Variants in HEATR1 observed in about 807,000 individuals in gnomAD.
The protein encoded by HEATR1 is HEAT repeat-containing protein 1.
HEATR1 carries 77 observed loss-of-function variants against 248.2 expected under a neutral mutation model. The ratio of observed to expected loss-of-function variants is 0.31; its 90% CI spans 0.26 to 0.37. HEATR1 has a LOEUF of 0.37. Ranked by LOEUF, HEATR1 falls within the 10% of genes least tolerant of loss-of-function variation. The pLI, the probability that HEATR1 is intolerant of heterozygous loss-of-function variation, is 1.00. For synonymous variants in HEATR1, 897 were observed against 923.1 expected, an observed-to-expected ratio of 0.97 and a Z score of 0.51; for missense variants, 2,420 against 2,504.9, an observed-to-expected ratio of 0.97 and a Z score of 0.72.
In HEATR1 at chr1:236,553,588, G is replaced by C. The variant is rs6664730; in HGVS notation, c.6230C>G (p.Ser2077Trp). 6.2e-7 allele frequency: 1 copy of C among 1,613,510 alleles called. No individual in the cohort carries two copies. Among genetic ancestry groups the C allele is most frequent in the Non-Finnish European group, 8.5e-7 (1 of 1,179,728 alleles). The change falls in exon 43 of 45, where the codon TCG becomes TGG. Residue 2077 changes from serine (S) to tryptophan (W), a missense_variant. Transcript: ENST00000366582. ...TGTCACGCAGTTCCTAACCTTAGGC[G>C]AGGAGTCTCTCGTCTTTAGCAGAAT... ...YQILLKTRDS[S>W]PKVRFAALIT...
intron 13 of HEATR1, 25 bp downstream of exon 13, chr1:236,587,923 C>A: frequency 6.5e-7 from 1 of 1,530,382 alleles, no homozygotes. Flanking sequence ...AATTGTATAC[C>A]TCAACAAATG....
rs1212509177 is a variant in HEATR1, at chr1:236,566,030, C to T, written c.4324G>A (p.Ala1442Thr). 31 of 1,613,428 alleles carry T rather than the reference C, an allele frequency of 1.9e-5. No individual in the cohort carries two copies. Among genetic ancestry groups the T allele is most frequent in the Non-Finnish European group, 2.6e-5 (31 of 1,179,846 alleles). The stretch of plus-strand genomic sequence containing the variant: ...ACTGAAAACCAAAATTCAGTGTCTG[C>T]TTCTAAAATAGCATCCTGTGTAGAA... ...AYGEKDAILE[A>T]DTEFWFSVCC... Residue 1442 changes from alanine (A) to threonine (T), a missense_variant, in exon 31 of 45, where the codon GCA becomes ACA. By Grantham distance (58) the Ala-to-Thr change is moderately conservative. Transcript: ENST00000366582.
Position 236,558,404 on chromosome 1 carries a change from C to T in HEATR1, c.5037G>A (p.Lys1679=). The T allele has an allele frequency of 6.2e-7, 1 of 1,614,230 alleles. No individual in the cohort carries two copies. The highest frequency in any genetic ancestry group is 8.5e-7 in the Non-Finnish European group (1 of 1,180,026). The change falls in exon 36 of 45, where the codon AAG becomes AAA. Residue 1679 remains lysine (K), a synonymous_variant. Coordinates refer to ENST00000366582, the MANE Select transcript of HEATR1 (RefSeq NM_018072.6). The stretch of plus-strand genomic sequence containing the variant: ...GATCTGGATTTTCTGCACCAAAATT[C>T]TTGCATAAAAGCTTTAAGGTATACA... ...TALYTLKLLC[K]NFGAENPDPF...
intron 21 of HEATR1, 110 bp downstream of exon 21, chr1:236,576,670 A>C: frequency 9.8e-7 from 1 of 1,019,936 alleles, no homozygotes; most frequent in Non-Finnish European, 1.4e-6. Context: ...TCCTAAATCC[A>C]ATGACTTAGT....
rs535794907 is a variant in HEATR1, at chr1:236,566,242, C to A, written c.4309-197G>T. Among the ~76,000 whole-genome samples the A allele has an allele frequency of 3.9e-3, 590 of 152,264 alleles. 5 individuals are homozygous for A. Among genetic ancestry groups the A allele is most frequent in the African/African-American group, 0.014 (568 of 41,550 alleles). On this transcript the variant is annotated intron_variant, in intron 30 of 44. Coordinates refer to ENST00000366582, the MANE Select transcript of HEATR1 (RefSeq NM_018072.6). ...CGACTTATCCAAACAGGGCTTTATC[C>A]AAACAATCACCTGTGTTTGTGTCTT...
At chr1:236,566,902 G>A in intron 29 of HEATR1, 26 bp from the exon 30 acceptor site, 1 of 1,475,486 alleles carries the variant, frequency 6.8e-7, no homozygotes, top group East Asian at 2.3e-5. Flanking sequence ...CAGAGACAAT[G>A]AGTAGGTGCA....
chr1:236,600,535 T>C (rs35712364), intron 3 of HEATR1, among the ~76,000 whole-genome samples: 4,561 of 151,546 alleles, frequency 0.03, 83 homozygotes, highest in Middle Eastern at 0.075. Context: ...TTGCCTTTTA[T>C]TAGATTTTTT....
In HEATR1 at chr1:236,559,073, G is replaced by A. The variant is rs532309802; in HGVS notation, c.4833C>T (p.Pro1611=). The change falls in exon 35 of 45, where the codon CCC becomes CCT. Residue 1611 remains proline (P), a synonymous_variant. Coordinates refer to ENST00000366582, the MANE Select transcript of HEATR1 (RefSeq NM_018072.6). ...GCGCTTTGCGGCGAACAGATGGCAG[G>A]GGATTGCCCACCAGCCCTCTGATCA... ...IPVIRGLVGN[P]LPSVRRKALD... The A allele has an allele frequency of 1.9e-6, 3 of 1,612,764 alleles. No homozygotes were observed. The highest frequency in any genetic ancestry group is 1.7e-5 in the Admixed American group (1 of 59,620).
Position 236,596,863 on chromosome 1 carries a change from G to A in HEATR1, c.717C>T (p.Ile239=), listed in dbSNP as rs139982989. ...TTTGGATATAGGGAAATAGTTTGGC[G>A]ATGATATTGTCTGATACGTCCTCTG... ...VAAEDVSDNI[I]AKLFPYIQKG... The change falls in exon 6 of 45, where the codon ATC becomes ATT. Residue 239 remains isoleucine, a synonymous_variant. Transcript: ENST00000366582. The A allele has an allele frequency of 8.7e-5, 141 of 1,613,662 alleles. No individual in the cohort carries two copies. Among genetic ancestry groups the A allele is most frequent in the African/African-American group, 5.9e-4 (44 of 75,010 alleles).
rs535197426 is a variant in HEATR1, at chr1:236,596,712, A to G, written c.744+124T>C. 7 of 941,816 alleles carry G rather than the reference A, an allele frequency of 7.4e-6. No individual in the cohort carries two copies. In the African/African-American group the frequency reaches 1.0e-4, roughly 13 times the overall value. 58.3% of individuals were successfully genotyped at this position (941,816 alleles called of 1,614,324 possible). A position where few individuals can be genotyped will look rare whatever the true frequency, so the allele number is the denominator to read the frequency against. On this transcript the variant is annotated intron_variant, in intron 6 of 44. Coordinates refer to ENST00000366582, the MANE Select transcript of HEATR1 (RefSeq NM_018072.6). ...GTGTCATATTTTCAACCTAAAGGCT[A>G]AATCTCAGCTATCATCTGAAATAAA... is the stretch of plus-strand genomic sequence containing the variant.
intron 24 of HEATR1, among the ~76,000 whole-genome samples, chr1:236,573,820 A>G (rs1452919283): frequency 6.6e-6 from 1 of 152,152 alleles, no homozygotes; most frequent in Non-Finnish European, 1.5e-5. Context: ...CAGAATTTCA[A>G]TTCCATTATA....
intron 32 of HEATR1, 69 bp downstream of exon 32, chr1:236,564,429 A>G: frequency 7.4e-7 from 1 of 1,357,728 alleles, no homozygotes; most frequent in South Asian, 1.4e-5. Context: ...AGCTACTTCT[A>G]CTGGTTGAGA....
At chr1:236,591,108 G>A (rs1346500081) in intron 11 of HEATR1, among the ~76,000 whole-genome samples, 154 bp from the exon 12 acceptor site, 1 of 140,070 alleles carries the variant, frequency 7.1e-6, no homozygotes, top group South Asian at 2.3e-4. Context: ...CAAAATCTTT[G>A]TTTCTAGAAC....
rs769658449 is a variant in HEATR1, at chr1:236,571,579, T to C, written c.3815A>G (p.Lys1272Arg). The change falls in exon 27 of 45, where the codon AAA (lysine) becomes AGA (arginine). Residue 1272 changes from lysine (K) to arginine (R), a missense_variant. Lys to Arg is a conservative substitution (Grantham distance 26). Transcript: ENST00000366582. ...ICQKLSPDGG[K>R]IPKDILDEEK... The stretch of plus-strand genomic sequence containing the variant: ...CAAAAAGTACCTACCTTTGGGTATT[T>C]TGCCACCATCTGGAGATAGTTTTTG... 6 of 1,613,800 alleles carry C rather than the reference T, an allele frequency of 3.7e-6. No individual in the cohort carries two copies. Among genetic ancestry groups the C allele is most frequent in the Non-Finnish European group, 5.1e-6 (6 of 1,179,816 alleles).
chr1:236,585,855 T>C lies in HEATR1; in HGVS notation c.2014A>G (p.Ile672Val). The change falls in exon 16 of 45, where the codon ATA (isoleucine) becomes GTA (valine). Residue 672 changes from isoleucine (I) to valine (V), a missense_variant. Physicochemically the swap from Ile to Val is conservative, Grantham distance 29. Transcript: ENST00000366582. ...QKMIELLADN[I>V]NLGDPSSMLK... ...ATTGAAGAAGGATCTCCTAAATTTA[T>C]ATTATCAGCCAACAACTCAATCATC... 1 of 1,612,872 alleles carries C rather than the reference T, an allele frequency of 6.2e-7. No individual in the cohort carries two copies. Among genetic ancestry groups the C allele is most frequent in the East Asian group, 2.2e-5 (1 of 44,772 alleles).
chr1:236,576,417 GA>G, intron 21 of HEATR1, 40 bp from the exon 22 acceptor site: 1 of 1,424,432 alleles, frequency 7.0e-7, no homozygotes, highest in Non-Finnish European at 9.5e-7. Flanking sequence ...AAAGGGTTAA[GA>G]AACTACAAAG....
chr1:236,571,241 A>C (rs918770047), intron 28 of HEATR1, 110 bp downstream of exon 28: 3 of 1,315,624 alleles, frequency 2.3e-6, no homozygotes, highest in Non-Finnish European at 3.1e-6. Context: ...CCAGTGCTGG[A>C]AGATTCCAAA....
At chr1:236,559,247 C>T in intron 34 of HEATR1, 112 bp from the exon 35 acceptor site, 1 of 705,530 alleles carries the variant, frequency 1.4e-6, no homozygotes, top group East Asian at 3.1e-5. Flanking sequence ...CAGGCACTTC[C>T]ACACACATTT....
At position 236,585,817 on chromosome 1, in the gene HEATR1, T is replaced by C. The variant is rs755652006; in HGVS notation, c.2049+3A>G. ...AGGGGGTGGACTTTCAAAGCATACT[T>C]ACCATCTTTAACATTGAAGAAGGAT... On this transcript the variant is annotated splice_donor_region_variant and intron_variant, in intron 16 of 44. Coordinates refer to ENST00000366582, the MANE Select transcript of HEATR1 (RefSeq NM_018072.6). The C allele has an allele frequency of 6.8e-6, 11 of 1,611,988 alleles. 1 individual carries two copies. In the African/African-American group the frequency reaches 9.3e-5, roughly 14 times the overall value.
Sources: gnomAD v4.1 joint callset for allele counts (sites outside exome capture counted in the v4.1 genomes callset) on GRCh38, gnomAD v4.1.1 for gene constraint, MANE v1.5 for transcripts, NCBI Gene and HGNC (gene_info 2026-07-23, HGNC 2026-07-21) for gene names.